The following VPS13B variants were observed in gnomAD, a reference collection of about 807,000 sequenced individuals.
The protein encoded by VPS13B is vacuolar protein sorting 13 homolog B.
In VPS13B, 285 loss-of-function variants were observed where a neutral mutation model predicts 426.4. That is an observed-to-expected ratio of 0.67 (90% CI 0.61 to 0.74). The LOEUF (loss-of-function observed/expected upper bound fraction) is 0.74. VPS13B is among the 30% of genes least tolerant of loss of function. VPS13B has a pLI of 0.00. For missense variants in VPS13B, 4,537 were observed against 4,782.6 expected, an observed-to-expected ratio of 0.95 and a Z score of 1.51; for synonymous variants, 1,676 against 1,676.4, an observed-to-expected ratio of 1.00 and a Z score of 0.01.
chr8:99,029,323 T>G (rs1476098740), intron 2 of VPS13B, among the ~76,000 whole-genome samples: 1 of 137,212 alleles, frequency 7.3e-6, no homozygotes, highest in Non-Finnish European at 1.5e-5. Context: ...GCTCCTCACA[T>G]CCCAGACGAT....
At chr8:99,271,123 A>G (rs1161787947) in intron 17 of VPS13B, among the ~76,000 whole-genome samples, 2 of 152,026 alleles carry the variant, frequency 1.3e-5, no homozygotes, top group Non-Finnish European at 2.9e-5. Flanking sequence ...TGCTCAGTGC[A>G]TGTTAAGTGC....
At chr8:99,294,279 C>G (rs1323587540) in intron 19 of VPS13B, among the ~76,000 whole-genome samples, 1 of 96,584 alleles carries the variant, frequency 1.0e-5, no homozygotes, top group African/African-American at 4.1e-5. Flanking sequence ...TCTCAGTAAA[C>G]TATCACAAGA....
At chr8:99,389,602 TATATAGGACGAAAGTAG>T (rs1814312874) in intron 20 of VPS13B, 1 of 152,118 alleles carries the variant, frequency 6.6e-6, no homozygotes, top group South Asian at 2.1e-4. Context: ...GACAAAATAC[TATATAGGACGAAAGTAG>T]ATCATTCTTG....
At chr8:99,655,536 T>C (rs1050234167) in intron 34 of VPS13B, among the ~76,000 whole-genome samples, 4 of 152,046 alleles carry the variant, frequency 2.6e-5, no homozygotes, top group Non-Finnish European at 5.9e-5. Context: ...CCCGAGGAGG[T>C]GGGTTAGGAT....
intron 19 of VPS13B, among the ~76,000 whole-genome samples, chr8:99,311,066 T>A (rs1820940360): frequency 6.6e-6 from 1 of 152,208 alleles, no homozygotes; most frequent in South Asian, 2.1e-4. Flanking sequence ...TCTCTTTTCT[T>A]CTTTATTAGT....
chr8:99,584,177 C>T (rs190068072), intron 33 of VPS13B, among the ~76,000 whole-genome samples: 18 of 152,220 alleles, frequency 1.2e-4, no homozygotes, highest in Admixed American at 1.1e-3. Flanking sequence ...TATTTTACTG[C>T]CTATCTTCTC....
At chr8:99,714,256 G>A (rs1303179338) in intron 36 of VPS13B, among the ~76,000 whole-genome samples, 1 of 151,926 alleles carries the variant, frequency 6.6e-6, no homozygotes, top group Admixed American at 6.6e-5. Context: ...TGATAGTATT[G>A]GATTATAACC....
At chr8:99,288,296 T>C (rs1819551178) in intron 19 of VPS13B, among the ~76,000 whole-genome samples, 1 of 152,018 alleles carries the variant, frequency 6.6e-6, no homozygotes, top group South Asian at 2.1e-4. Context: ...CTTAATGGGA[T>C]TATGGGTCAA....
intron 17 of VPS13B, chr8:99,209,792 G>A: frequency 1.1e-6 from 1 of 877,448 alleles, no homozygotes; most frequent in Non-Finnish European, 1.4e-6. Context: ...ATACAAGGAA[G>A]TCTCAAAGAG....
At chr8:99,392,393 G>T (rs1814494488) in intron 21 of VPS13B, among the ~76,000 whole-genome samples, 1 of 151,754 alleles carries the variant, frequency 6.6e-6, no homozygotes, top group South Asian at 2.1e-4. Context: ...TTTGTGATTT[G>T]TTTTTTCTTC....
chr8:99,295,073 C>T (rs947329160), intron 19 of VPS13B, among the ~76,000 whole-genome samples: 1 of 152,000 alleles, frequency 6.6e-6, no homozygotes, highest in Non-Finnish European at 1.5e-5. Context: ...ATGCATTATG[C>T]TAGTGACATA....
At chr8:99,424,860 G>C (rs552619313) in intron 21 of VPS13B, among the ~76,000 whole-genome samples, 4 of 151,844 alleles carry the variant, frequency 2.6e-5, no homozygotes, top group African/African-American at 9.7e-5. Flanking sequence ...TCAAATAGAC[G>C]CAATAAAAAA....
intron 31 of VPS13B, among the ~76,000 whole-genome samples, chr8:99,563,531 A>T (rs1428235657): frequency 1.3e-5 from 2 of 152,150 alleles, no homozygotes; most frequent in Admixed American, 1.3e-4. Flanking sequence ...TTTTAAAAGA[A>T]AAAAAAGAGA....
intron 14 of VPS13B, 129 bp from the exon 15 acceptor site, chr8:99,156,420 A>G: frequency 2.5e-6 from 2 of 804,954 alleles, no homozygotes; most frequent in Admixed American, 2.3e-5. Context: ...AGAGTTCTGT[A>G]GAAAGGCATC....
intron 24 of VPS13B, among the ~76,000 whole-genome samples, chr8:99,475,162 G>A (rs1442384283): frequency 6.6e-6 from 1 of 152,150 alleles, no homozygotes; most frequent in East Asian, 1.9e-4. Context: ...TTAATATATA[G>A]TGATAGAAAG....
chr8:99,816,765 A>G (rs76858490), intron 44 of VPS13B, among the ~76,000 whole-genome samples: 5,848 of 152,136 alleles, frequency 0.038, 132 homozygotes, highest in East Asian at 0.072. Context: ...TGATCATGCC[A>G]CTACACTCCA....
At chr8:99,128,195 CCT>C (rs987678899) in intron 8 of VPS13B, among the ~76,000 whole-genome samples, 18 of 151,534 alleles carry the variant, frequency 1.2e-4, no homozygotes, top group Non-Finnish European at 2.4e-4. Flanking sequence ...TCGAGACCAG[CCT>C]GGCCAACATG....
chr8:99,400,620 A>G (rs182580606), intron 21 of VPS13B, among the ~76,000 whole-genome samples: 170 of 152,290 alleles, frequency 1.1e-3, no homozygotes, highest in Non-Finnish European at 1.3e-3. Context: ...TGGAATTTTA[A>G]TACATCAGTA....
chr8:99,060,151 T>G (rs1238021110), intron 3 of VPS13B, among the ~76,000 whole-genome samples: 1 of 152,120 alleles, frequency 6.6e-6, no homozygotes, highest in African/African-American at 2.4e-5. Context: ...ACAGTGTAGG[T>G]AAATTTTTTT....
Sources: allele counts gnomAD v4.1 joint callset (sites outside exome capture counted in the v4.1 genomes callset), GRCh38; gene constraint gnomAD v4.1.1; transcripts MANE v1.5; gene names NCBI Gene and HGNC (gene_info 2026-07-23, HGNC 2026-07-21).